The following TNS3 variants were observed in gnomAD, a reference collection of about 807,000 sequenced individuals.
TNS3 encodes the protein tensin-3.
Under a neutral mutation model 140.9 loss-of-function variants are expected in TNS3, and 45 were observed. The ratio of observed to expected loss-of-function variants is 0.32; its 90% CI spans 0.25 to 0.41. The LOEUF is 0.41. Among genes scored for constraint, TNS3 ranks in the 10% least tolerant of loss-of-function variants. The pLI, the probability that TNS3 is intolerant of heterozygous loss-of-function variation, is 1.00. For synonymous variants in TNS3, 815 were observed against 788.4 expected (o/e 1.03, Z -0.56); for missense variants, 1,716 against 1,906.7 (o/e 0.90, Z 1.86).
rs143165607 is a variant in TNS3 at position 47,451,543 on chromosome 7, T to C, written c.-75-9488A>G. ...TTGCAGTGAGCCGAGATGGTGCCAC[T>C]GCACTCCAGCCTGGGCAACAGAGCG... On this transcript the variant is annotated intron_variant, in intron 4 of 30. Coordinates refer to ENST00000311160, the MANE Select transcript of TNS3 (RefSeq NM_022748.12). Among the ~76,000 whole-genome samples the C allele has an allele frequency of 4.7e-3, 721 of 152,290 alleles. 5 individuals carry two copies. The highest frequency in any genetic ancestry group is 0.017 in the African/African-American group (691 of 41,560).
chr7:47,575,398 G>T (rs771910463), intron 1 of TNS3, among the ~76,000 whole-genome samples: 31 of 152,192 alleles, frequency 2.0e-4, no homozygotes, highest in Non-Finnish European at 8.8e-5. Flanking sequence ...GAACCTCTGT[G>T]GAGGTGATAT....
rs182516606 is a variant in TNS3, at chr7:47,489,585, C to A, written c.-114-8444G>T. 2.1e-3 allele frequency among the ~76,000 whole-genome samples: 324 copies of A among 152,324 alleles called. 2 individuals carry two copies. Among genetic ancestry groups the A allele is most frequent in the Non-Finnish European group, 3.5e-3 (240 of 68,038 alleles). On this transcript the variant is annotated intron_variant, in intron 3 of 30. Transcript: ENST00000311160. ...CCATGGCCCACAAGGCAGGGCCAGGCCTTCGCTGGCCTCAGGCAAACAAGT... is the reference window on the plus strand; with the variant it reads ...CCATGGCCCACAAGGCAGGGCCAGGACTTCGCTGGCCTCAGGCAAACAAGT...
intron 1 of TNS3, among the ~76,000 whole-genome samples, chr7:47,569,761 G>C (rs1800511124): frequency 2.0e-5 from 3 of 152,014 alleles, no homozygotes; most frequent in Admixed American, 1.3e-4. Flanking sequence ...GGCTGAGGCA[G>C]GAGAATCACT....
At chr7:47,573,834 T>C (rs536435531) in intron 1 of TNS3, among the ~76,000 whole-genome samples, 5 of 152,364 alleles carry the variant, frequency 3.3e-5, no homozygotes, top group African/African-American at 1.2e-4. Context: ...ATGCCAGTAA[T>C]TCTGGTTCAA....
intron 1 of TNS3, among the ~76,000 whole-genome samples, chr7:47,568,668 G>A (rs1382877112): frequency 6.6e-6 from 1 of 152,252 alleles, no homozygotes; most frequent in African/African-American, 2.4e-5. Context: ...ATGGCAACAA[G>A]CCTGAGGTCT....
chr7:47,435,795 C>T (rs1487934991), intron 7 of TNS3, among the ~76,000 whole-genome samples: 1 of 152,192 alleles, frequency 6.6e-6, no homozygotes, highest in African/African-American at 2.4e-5. Context: ...TTGGAGAGTG[C>T]AGCCAGCCAT....
intron 4 of TNS3, among the ~76,000 whole-genome samples, chr7:47,451,494 T>A (rs1796012432): frequency 1.3e-5 from 2 of 151,888 alleles, no homozygotes; most frequent in African/African-American, 4.8e-5. Flanking sequence ...GGCAGGAAAA[T>A]CGCTCAAACC....
rs1249602893 is a variant in TNS3 at position 47,566,747 on chromosome 7, T to C, written c.-265+15304A>G. ...GGGCCAACAGCAGGACAAAAAGACA[T>C]TCCATCTCATGGCCGGGCACGGTAA... On this transcript the variant is annotated intron_variant, in intron 1 of 30. Transcript: ENST00000311160. Among the ~76,000 whole-genome samples the C allele has an allele frequency of 2.0e-5, 3 of 152,066 alleles. 1 individual carries two copies. The highest frequency in any genetic ancestry group is 2.0e-4 in the Admixed American group (3 of 15,248).
At chr7:47,441,133 AAAT>A (rs1469276234) in intron 5 of TNS3, among the ~76,000 whole-genome samples, 6 of 152,194 alleles carry the variant, frequency 3.9e-5, no homozygotes, top group African/African-American at 1.4e-4. Flanking sequence ...CCTCAAAAAG[AAAT>A]AATAACATCA....
At chr7:47,582,024 C>G (rs1292189374) in intron 1 of TNS3, 27 bp downstream of exon 1, 1 of 152,060 alleles carries the variant, frequency 6.6e-6, no homozygotes, top group Admixed American at 6.5e-5. Flanking sequence ...CGCGTGGCCG[C>G]GTTTCCTCCT....
In TNS3 at chr7:47,413,954, C is replaced by G; in HGVS notation, c.630G>C (p.Val210=). Residue 210 remains valine, a synonymous_variant, in exon 12 of 31, where the codon GTG becomes GTC. Transcript: ENST00000311160. Reference sequence around the variant, plus strand: ...GCACTCACTAGATCCCGGAGGTGTACACAGGCTGCATGGCTTGGTAGAGCT... The same window carrying G: ...GCACTCACTAGATCCCGGAGGTGTAGACAGGCTGCATGGCTTGGTAGAGCT... ...FLKLYQAMQP[V]YTSGIYNVGP... The G allele has an allele frequency of 6.2e-7, 1 of 1,613,876 alleles. No homozygotes were observed. Among genetic ancestry groups the G allele is most frequent in the African/African-American group, 1.3e-5 (1 of 74,984 alleles).
At position 47,277,794 on chromosome 7, in the gene TNS3, C is replaced by A; in HGVS notation, c.*282G>T. The A allele has an allele frequency of 2.1e-6, 1 of 485,096 alleles. No individual in the cohort carries two copies. Among genetic ancestry groups the A allele is most frequent in the Non-Finnish European group, 3.8e-6 (1 of 263,694 alleles). The allele number at this position is 485,096 out of a possible 1,614,324, so 30.0% of individuals were successfully genotyped here. On this transcript the variant is annotated 3_prime_UTR_variant, in exon 31 of 31. Transcript: ENST00000311160. Reference sequence around the variant, plus strand: ...GTGCTGTTTCCTTGCATGTCCCTTTCCCATGGGGACCCTAGGGGGTGGGGT... The same window carrying A: ...GTGCTGTTTCCTTGCATGTCCCTTTACCATGGGGACCCTAGGGGGTGGGGT...
chr7:47,416,169 C>G (rs948680854), intron 10 of TNS3, among the ~76,000 whole-genome samples: 5 of 152,216 alleles, frequency 3.3e-5, no homozygotes, highest in African/African-American at 1.2e-4. Flanking sequence ...AAAACCCAAA[C>G]AATCAAAAAC....
Position 47,529,056 on chromosome 7 carries a change from C to T in TNS3, c.-173G>A. The T allele has an allele frequency of 1.6e-6, 2 of 1,287,954 alleles. No homozygotes were observed. The highest frequency in any genetic ancestry group is 2.0e-6 in the Non-Finnish European group (2 of 988,100). The allele number at this position is 1,287,954 out of a possible 1,614,324, so 79.8% of individuals were successfully genotyped here. ...CTTACCTCGGCATGAAATACCTTGA[C>T]CGTCAATAATTTGTTTGCAAACTCC... On this transcript the variant is annotated 5_prime_UTR_variant, in exon 2 of 31. Coordinates refer to ENST00000311160, the MANE Select transcript of TNS3 (RefSeq NM_022748.12).
At chr7:47,323,950 T>C (rs1383291727) in intron 20 of TNS3, among the ~76,000 whole-genome samples, 1 of 152,242 alleles carries the variant, frequency 6.6e-6, no homozygotes, top group Non-Finnish European at 1.5e-5. Context: ...GAAAAACGTA[T>C]GCACCCGGAT....
intron 13 of TNS3, among the ~76,000 whole-genome samples, chr7:47,408,996 C>T (rs567909947): frequency 2.6e-5 from 4 of 152,112 alleles, no homozygotes; most frequent in Non-Finnish European, 4.4e-5. Flanking sequence ...AAAAACTTCA[C>T]TCATGGGCCT....
At chr7:47,574,824 GA>G (rs2152023365) in intron 1 of TNS3, among the ~76,000 whole-genome samples, 1 of 152,306 alleles carries the variant, frequency 6.6e-6, no homozygotes, top group African/African-American at 2.4e-5. Context: ...CACAGGGACA[GA>G]AAGTAGAATG....
intron 1 of TNS3, among the ~76,000 whole-genome samples, chr7:47,575,890 C>T (rs1022603414): frequency 4.0e-5 from 6 of 151,260 alleles, no homozygotes; most frequent in East Asian, 3.9e-4. Flanking sequence ...TGCTACTCTC[C>T]GAGTAATACA....
chr7:47,340,108 TATATA>T (rs1562610235), intron 20 of TNS3, among the ~76,000 whole-genome samples: 18 of 43,394 alleles, frequency 4.1e-4, no homozygotes, highest in African/African-American at 1.1e-3. Context: ...TATATATATA[TATATA>T]TATTTTTTTT....
Sources: gnomAD v4.1 joint callset for allele counts (sites outside exome capture counted in the v4.1 genomes callset) on GRCh38, gnomAD v4.1.1 for gene constraint, MANE v1.5 for transcripts, NCBI Gene and HGNC (gene_info 2026-07-23, HGNC 2026-07-21) for gene names.